MOB3B: variants seen among roughly 807,000 people sequenced by gnomAD.
MOB3B encodes the protein MOB kinase activator 3B.
MOB3B carries 7 observed loss-of-function variants against 18.7 expected under a neutral mutation model. The observed-to-expected ratio is 0.37, with a 90% CI of 0.21 to 0.70. The LOEUF is 0.70. Among genes scored for constraint, MOB3B ranks in the 30% least tolerant of loss-of-function variants. The probability of loss-of-function intolerance (pLI) is 0.52; values close to 1 mark genes in which losing one functional copy is unlikely to be tolerated. For missense variants in MOB3B, 253 were observed against 281.3 expected (o/e 0.90, Z 0.72); for synonymous variants, 111 against 99.9 (o/e 1.11, Z -0.66).
intron 2 of MOB3B, 147 bp from the exon 3 acceptor site, chr9:27,359,383 G>T (rs574312652): frequency 7.9e-5 from 49 of 622,958 alleles, no homozygotes; most frequent in South Asian, 1.6e-4. Context: ...GTGTGTGGGG[G>T]GGGGGGGTTG....
intron 2 of MOB3B, among the ~76,000 whole-genome samples, chr9:27,359,964 G>C (rs1821249498): frequency 6.6e-6 from 1 of 152,118 alleles, no homozygotes. Flanking sequence ...GTTGTAATGG[G>C]TTCCTAAGCT....
intron 3 of MOB3B, among the ~76,000 whole-genome samples, chr9:27,338,690 G>A (rs1012125000): frequency 5.9e-5 from 9 of 152,190 alleles, no homozygotes; most frequent in Non-Finnish European, 1.0e-4. Context: ...GCCTGGCCTC[G>A]GGCACAGGGA....
At chr9:27,343,335 T>C (rs1240988825) in intron 3 of MOB3B, among the ~76,000 whole-genome samples, 3 of 151,558 alleles carry the variant, frequency 2.0e-5, no homozygotes, top group African/African-American at 7.3e-5. Context: ...ACACAAACAC[T>C]GCGGAAGGCC....
At chr9:27,425,442 A>G (rs1587203976) in intron 2 of MOB3B, among the ~76,000 whole-genome samples, 1 of 152,158 alleles carries the variant, frequency 6.6e-6, no homozygotes, top group Non-Finnish European at 1.5e-5. Context: ...CTGTTTCTAA[A>G]ATTCAGGATT....
intron 3 of MOB3B, among the ~76,000 whole-genome samples, chr9:27,357,497 A>T (rs1454353624): frequency 6.6e-6 from 1 of 151,890 alleles, no homozygotes; most frequent in Non-Finnish European, 1.5e-5. Context: ...TCAGATAACT[A>T]GGAATAACCC....
intron 3 of MOB3B, among the ~76,000 whole-genome samples, chr9:27,337,471 G>A (rs1205034972): frequency 6.6e-6 from 1 of 152,134 alleles, no homozygotes; most frequent in Non-Finnish European, 1.5e-5. Flanking sequence ...CTCCCAACAG[G>A]GTCCTCAGCT....
At chr9:27,354,706 G>A (rs1330372981) in intron 3 of MOB3B, among the ~76,000 whole-genome samples, 1 of 152,152 alleles carries the variant, frequency 6.6e-6, no homozygotes, top group African/African-American at 2.4e-5. Flanking sequence ...TAGGTACCAG[G>A]AACCCTAAGC....
chr9:27,327,800 G>T lies in MOB3B; in HGVS notation c.*2787C>A, dbSNP rs1820733740. The T allele has an allele frequency of 6.6e-6, 1 of 152,118 alleles. No homozygotes were observed. Among genetic ancestry groups the T allele is most frequent in the Non-Finnish European group, 1.5e-5 (1 of 68,016 alleles). The allele number at this position is 152,118 out of a possible 1,614,324, so 9.4% of individuals were successfully genotyped here. A position where few individuals can be genotyped will look rare whatever the true frequency, so the allele number is the denominator to read the frequency against. On this transcript the variant is annotated 3_prime_UTR_variant, in exon 4 of 4. Coordinates refer to ENST00000262244, the MANE Select transcript of MOB3B (RefSeq NM_024761.5). ...GCAGTATCAGTGTTCAGTTTCATGG[G>T]CGTGAAAATATTGCAGATTTATAGG...
chr9:27,349,473 G>A (rs1821075269), intron 3 of MOB3B, among the ~76,000 whole-genome samples: 1 of 152,128 alleles, frequency 6.6e-6, no homozygotes, highest in African/African-American at 2.4e-5. Flanking sequence ...ATCTGGCCGG[G>A]AAATTTAAAC....
At position 27,399,816 on chromosome 9, in the gene MOB3B, G is replaced by T. The variant is rs201163401; in HGVS notation, c.419-40580C>A. 1.2e-4 allele frequency among the ~76,000 whole-genome samples: 18 copies of T among 152,206 alleles called. No individual in the cohort carries two copies. In the East Asian group the frequency reaches 3.5e-3, roughly 29 times the overall value. The stretch of plus-strand genomic sequence containing the variant: ...ATTTAATATGTCCCCAAATGAGATC[G>T]TATCTTCCTACACGTGCCTAATCCT... On this transcript the variant is annotated intron_variant, in intron 2 of 3. Transcript: ENST00000262244.
chr9:27,351,242 G>C (rs1821101324), intron 3 of MOB3B, among the ~76,000 whole-genome samples: 2 of 140,456 alleles, frequency 1.4e-5, no homozygotes, highest in African/African-American at 5.4e-5. Flanking sequence ...TCTAAGCAAA[G>C]AGAAACGGTT....
At chr9:27,470,610 C>T (rs1170058604) in intron 1 of MOB3B, among the ~76,000 whole-genome samples, 1 of 152,180 alleles carries the variant, frequency 6.6e-6, no homozygotes, top group African/African-American at 2.4e-5. Context: ...GTTGGTTATT[C>T]TCACAGCTCA....
intron 2 of MOB3B, among the ~76,000 whole-genome samples, chr9:27,442,660 A>G (rs1023245318): frequency 2.0e-5 from 3 of 152,162 alleles, no homozygotes; most frequent in Non-Finnish European, 2.9e-5. Flanking sequence ...AGCCCTGGTA[A>G]CACCCTCTCT....
At chr9:27,469,265 G>A (rs150510899) in intron 1 of MOB3B, among the ~76,000 whole-genome samples, 180 of 152,078 alleles carry the variant, frequency 1.2e-3, no homozygotes, top group African/African-American at 4.1e-3. Context: ...ACAGTGCCTG[G>A]CTGGGAATTT....
chr9:27,517,451 C>T (rs915639519), intron 1 of MOB3B, among the ~76,000 whole-genome samples: 20 of 151,808 alleles, frequency 1.3e-4, no homozygotes, highest in Admixed American at 3.9e-4. Flanking sequence ...AGTTTGAGAC[C>T]AGCCTGGCCA....
At chr9:27,389,820 T>C (rs1246138471) in intron 2 of MOB3B, among the ~76,000 whole-genome samples, 1 of 152,124 alleles carries the variant, frequency 6.6e-6, no homozygotes, top group Non-Finnish European at 1.5e-5. Flanking sequence ...ATATGTGGCA[T>C]ACAGCTCCCA....
At chr9:27,429,473 A>C (rs1275991337) in intron 2 of MOB3B, among the ~76,000 whole-genome samples, 1 of 152,318 alleles carries the variant, frequency 6.6e-6, no homozygotes, top group East Asian at 1.9e-4. Flanking sequence ...TTCTAATCAC[A>C]CTCAGAGCAA....
intron 1 of MOB3B, among the ~76,000 whole-genome samples, chr9:27,504,513 T>C (rs1449954643): frequency 1.3e-5 from 2 of 152,160 alleles, no homozygotes; most frequent in Non-Finnish European, 2.9e-5. Flanking sequence ...GTGACTGGCC[T>C]GGTCACTGCA....
chr9:27,513,424 T>G (rs1820175893), intron 1 of MOB3B, among the ~76,000 whole-genome samples: 1 of 152,144 alleles, frequency 6.6e-6, no homozygotes, highest in Non-Finnish European at 1.5e-5. Context: ...ACACATCATA[T>G]CATACCACTC....
Sources: allele counts gnomAD v4.1 joint callset (sites outside exome capture counted in the v4.1 genomes callset), GRCh38; gene constraint gnomAD v4.1.1; transcripts MANE v1.5; gene names NCBI Gene and HGNC (gene_info 2026-07-23, HGNC 2026-07-21).